Variants in DLG2 observed in about 807,000 individuals in gnomAD.
DLG2 encodes the protein disks large homolog 2.
A neutral mutation model predicts 132.5 loss-of-function variants in DLG2; 45 were observed. That is an observed-to-expected ratio of 0.34 (90% CI 0.27 to 0.44). DLG2 has a LOEUF of 0.44. Among genes scored for constraint, DLG2 ranks in the 20% least tolerant of loss-of-function variants. The pLI, the probability that DLG2 is intolerant of heterozygous loss-of-function variation, is 1.00. For synonymous variants in DLG2, 424 were observed against 419.6 expected, an observed-to-expected ratio of 1.01 and a Z score of -0.13; for missense variants, 1,045 against 1,196.9, an observed-to-expected ratio of 0.87 and a Z score of 1.87.
chr11:83,958,839 A>C (rs2087651298), intron 14 of DLG2, among the ~76,000 whole-genome samples: 1 of 152,102 alleles, frequency 6.6e-6, no homozygotes, highest in South Asian at 2.1e-4. Context: ...AAAATAGTGC[A>C]CATATACATG....
At chr11:83,522,239 G>A (rs1401979018) in intron 21 of DLG2, among the ~76,000 whole-genome samples, 2 of 152,172 alleles carry the variant, frequency 1.3e-5, no homozygotes, top group Admixed American at 6.5e-5. Flanking sequence ...AGGCTCTCCC[G>A]CCCATTTGAA....
chr11:84,473,709 T>G (rs1024166164), intron 7 of DLG2, among the ~76,000 whole-genome samples: 2 of 152,034 alleles, frequency 1.3e-5, no homozygotes, highest in Non-Finnish European at 1.5e-5. Flanking sequence ...CTCTGAAAAG[T>G]AAGTGATTTC....
At chr11:85,554,946 T>A (rs1424184862) in intron 3 of DLG2, among the ~76,000 whole-genome samples, 1 of 151,364 alleles carries the variant, frequency 6.6e-6, no homozygotes, top group Admixed American at 6.6e-5. Flanking sequence ...CACACACATA[T>A]GATTTAACTT....
intron 3 of DLG2, among the ~76,000 whole-genome samples, chr11:85,333,405 C>A (rs535792394): frequency 3.6e-4 from 55 of 152,236 alleles, no homozygotes; most frequent in African/African-American, 1.3e-3. Flanking sequence ...GTTCAACTTC[C>A]TATCTGAATG....
chr11:85,310,271 T>C (rs2152807237), intron 3 of DLG2, among the ~76,000 whole-genome samples: 1 of 152,250 alleles, frequency 6.6e-6, no homozygotes, highest in Non-Finnish European at 1.5e-5. Context: ...GCTGGCAAAG[T>C]TGGTGTCCTG....
chr11:83,615,723 G>C (rs545152641), intron 19 of DLG2, among the ~76,000 whole-genome samples: 1 of 152,170 alleles, frequency 6.6e-6, no homozygotes, highest in African/African-American at 2.4e-5. Flanking sequence ...AGGGGGCCAC[G>C]AGCCATGGAA....
At chr11:84,375,813 C>G (rs2098726812) in intron 7 of DLG2, among the ~76,000 whole-genome samples, 4 of 151,962 alleles carry the variant, frequency 2.6e-5, no homozygotes, top group Admixed American at 1.3e-4. Context: ...ACACATTTAT[C>G]TTAGATTATC....
At chr11:85,206,655 A>G (rs1421341806) in intron 4 of DLG2, among the ~76,000 whole-genome samples, 1 of 152,114 alleles carries the variant, frequency 6.6e-6, no homozygotes, top group Non-Finnish European at 1.5e-5. Flanking sequence ...ATTCTACTCT[A>G]TTCCTTCTTA....
intron 3 of DLG2, among the ~76,000 whole-genome samples, chr11:85,487,170 C>T (rs913707488): frequency 3.3e-5 from 5 of 151,420 alleles, no homozygotes; most frequent in Non-Finnish European, 7.4e-5. Context: ...GAAAAATCCT[C>T]CCCCATGAAA....
At position 83,456,752 on chromosome 11, in the gene DLG2, A is replaced by C. The variant is rs553631949; in HGVS notation, c.*3066T>G. 6.6e-6 allele frequency: 1 copy of C among 152,214 alleles called. No individual in the cohort carries two copies. Among genetic ancestry groups the C allele is most frequent in the African/African-American group, 2.4e-5 (1 of 41,522 alleles). The allele number at this position is 152,214 out of a possible 1,614,324, so 9.4% of individuals were successfully genotyped here. On this transcript the variant is annotated 3_prime_UTR_variant, in exon 28 of 28. Transcript: ENST00000376104. ...TAGAGTCTCGAGCCAGAGGTTGGAG[A>C]GTTCTTTCCTGGCTCGGAGTCCTGA...
At chr11:83,742,658 G>A (rs2092617506) in intron 18 of DLG2, among the ~76,000 whole-genome samples, 1 of 152,098 alleles carries the variant, frequency 6.6e-6, no homozygotes, top group South Asian at 2.1e-4. Flanking sequence ...CTTACTTTCT[G>A]TATGATACTC....
Position 83,479,355 on chromosome 11 carries a change from G to A in DLG2, c.2293+4774C>T, listed in dbSNP as rs117443545. 3.5e-3 allele frequency among the ~76,000 whole-genome samples: 511 copies of A among 147,392 alleles called. 16 individuals carry two copies. The East Asian group carries it at 0.037, about 11-fold the overall frequency. ...TTCCACCTCAAAAAGGCATGGTTTT[G>A]TAAAGTACCATGCTATAACGGGGGG... On this transcript the variant is annotated intron_variant, in intron 22 of 27. Transcript: ENST00000376104.
intron 6 of DLG2, among the ~76,000 whole-genome samples, chr11:84,717,360 C>T (rs2061348224): frequency 6.6e-6 from 1 of 151,864 alleles, no homozygotes; most frequent in South Asian, 2.1e-4. Flanking sequence ...CTAAAAGATT[C>T]AATGAAAATC....
chr11:83,639,575 G>A (rs959288972), intron 18 of DLG2, among the ~76,000 whole-genome samples: 5 of 150,980 alleles, frequency 3.3e-5, no homozygotes, highest in African/African-American at 9.8e-5. Flanking sequence ...CATGGACAGA[G>A]GAAGGGGAAC....
intron 9 of DLG2, among the ~76,000 whole-genome samples, chr11:84,131,520 C>A (rs188367609): frequency 8.3e-4 from 126 of 152,010 alleles, no homozygotes; most frequent in African/African-American, 2.9e-3. Context: ...TTCATTCATT[C>A]ATTCATTCAT....
chr11:83,942,272 C>T (rs1337937220), intron 14 of DLG2, among the ~76,000 whole-genome samples: 1 of 151,906 alleles, frequency 6.6e-6, no homozygotes, highest in Non-Finnish European at 1.5e-5. Flanking sequence ...TAAAAACTTT[C>T]CTATGTAAGT....
chr11:84,499,449 A>G (rs1156711199), intron 7 of DLG2, among the ~76,000 whole-genome samples: 9 of 152,344 alleles, frequency 5.9e-5, no homozygotes, highest in East Asian at 1.9e-4. Context: ...GTGCTAACAC[A>G]TAAGTATTGT....
chr11:84,217,774 G>C (rs2096855845), intron 8 of DLG2, among the ~76,000 whole-genome samples: 1 of 152,340 alleles, frequency 6.6e-6, no homozygotes, highest in East Asian at 1.9e-4. Context: ...AATCTGAAGA[G>C]TTTCCAAAAA....
chr11:84,464,023 T>G (rs2154486689), intron 7 of DLG2, among the ~76,000 whole-genome samples: 1 of 151,342 alleles, frequency 6.6e-6, no homozygotes, highest in Non-Finnish European at 1.5e-5. Context: ...ATGCAAAATT[T>G]CAATCTAATT....
Sources: gnomAD v4.1 joint callset for allele counts (sites outside exome capture counted in the v4.1 genomes callset) on GRCh38, gnomAD v4.1.1 for gene constraint, MANE v1.5 for transcripts, NCBI Gene and HGNC (gene_info 2026-07-23, HGNC 2026-07-21) for gene names.